The following ADGRL3 variants were observed in gnomAD, a reference collection of about 807,000 sequenced individuals.
The protein encoded by ADGRL3 is calcium-independent alpha-latrotoxin receptor 3.
In ADGRL3, 62 loss-of-function variants were observed where a neutral mutation model predicts 153.5. The observed-to-expected ratio is 0.40, with a 90% CI of 0.33 to 0.50. ADGRL3 has a LOEUF of 0.50. ADGRL3 is among the 20% of genes least tolerant of loss of function. The pLI is 0.47. For missense variants in ADGRL3, 1,641 were observed against 1,859.4 expected (o/e 0.88, Z 2.16); for synonymous variants, 710 against 672.5 (o/e 1.06, Z -0.86).
intron 5 of ADGRL3, among the ~76,000 whole-genome samples, chr4:61,600,586 A>G (rs1288205683): frequency 1.3e-5 from 2 of 152,172 alleles, no homozygotes; most frequent in Non-Finnish European, 2.9e-5. Context: ...CTTGCTTTGA[A>G]GGCTTATTAT....
In ADGRL3 at chr4:61,396,414, T is replaced by A. The variant is rs1002742794; in HGVS notation, c.-174+13225T>A. On this transcript the variant is annotated intron_variant, in intron 2 of 26. Transcript: ENST00000683033. The stretch of plus-strand genomic sequence containing the variant: ...CATAAATCAGACCAAATTGAGTATT[T>A]AAAAAAAAAACTTTTATAGGAATAT... 1.2e-3 allele frequency among the ~76,000 whole-genome samples: 175 copies of A among 149,362 alleles called. 1 individual carries two copies. Among genetic ancestry groups the A allele is most frequent in the African/African-American group, 4.1e-3 (167 of 40,934 alleles).
intron 4 of ADGRL3, among the ~76,000 whole-genome samples, chr4:61,585,261 T>G (rs1405492395): frequency 1.3e-5 from 2 of 152,030 alleles, no homozygotes; most frequent in East Asian, 1.9e-4. Context: ...GTTAACCTGC[T>G]AAGAAGTTTT....
intron 1 of ADGRL3, chr4:61,211,857 G>A (rs934029987): frequency 1.3e-5 from 2 of 152,206 alleles, no homozygotes; most frequent in African/African-American, 4.8e-5. Context: ...CAGTGGTAGA[G>A]CCACTGTACA....
intron 9 of ADGRL3, among the ~76,000 whole-genome samples, chr4:61,884,050 CATA>C (rs562913422): frequency 1.2e-3 from 189 of 152,226 alleles, no homozygotes; most frequent in Non-Finnish European, 2.1e-3. Flanking sequence ...GAGCAAGGAA[CATA>C]ATAATTATTA....
chr4:61,862,798 C>A (rs1222511793), intron 9 of ADGRL3, among the ~76,000 whole-genome samples: 2 of 152,092 alleles, frequency 1.3e-5, no homozygotes, highest in African/African-American at 4.8e-5. Flanking sequence ...CCCAGTGATT[C>A]TGATGCTTGC....
intron 6 of ADGRL3, among the ~76,000 whole-genome samples, chr4:61,683,226 C>T (rs1351396401): frequency 1.3e-5 from 2 of 151,868 alleles, no homozygotes; most frequent in Admixed American, 6.6e-5. Context: ...AATCCTCCAA[C>T]CTCAGCCTCC....
rs529310095 is a variant in ADGRL3, at chr4:61,861,668, A to G, written c.1481-30988A>G. Among the ~76,000 whole-genome samples, 143 of 152,128 alleles carry G rather than the reference A, an allele frequency of 9.4e-4. No homozygotes were observed. The South Asian group carries it at 0.012, about 13-fold the overall frequency. ...TCATGAGCAGAATAAAATGATAGTT[A>G]TTGATAGTTTATGTTACCAAATTCA... On this transcript the variant is annotated intron_variant, in intron 9 of 26. Transcript: ENST00000683033.
intron 9 of ADGRL3, among the ~76,000 whole-genome samples, chr4:61,844,546 C>CAAAAAAAAAAAAAAA (rs71604517): frequency 1.1e-4 from 2 of 17,548 alleles, no homozygotes; most frequent in Non-Finnish European, 1.7e-4. Context: ...GACTGCATCT[C>CAAAAAAAAAAAAAAA]AAAAAAAAAA....
intron 8 of ADGRL3, among the ~76,000 whole-genome samples, chr4:61,794,519 G>A (rs1046237517): frequency 5.3e-5 from 8 of 152,052 alleles, no homozygotes; most frequent in Admixed American, 2.0e-4. Context: ...AATAATGAGT[G>A]ATATTTTTCT....
At chr4:61,805,470 T>G (rs2097543901) in intron 8 of ADGRL3, among the ~76,000 whole-genome samples, 1 of 152,268 alleles carries the variant, frequency 6.6e-6, no homozygotes, top group African/African-American at 2.4e-5. Flanking sequence ...TGGTTTATAG[T>G]TTTACTCTTG....
At chr4:61,655,240 T>C (rs961138803) in intron 5 of ADGRL3, among the ~76,000 whole-genome samples, 1 of 152,160 alleles carries the variant, frequency 6.6e-6, no homozygotes, top group Non-Finnish European at 1.5e-5. Flanking sequence ...AAGTAACTTG[T>C]AAGCTATAAT....
At position 61,312,318 on chromosome 4, in the gene ADGRL3, A is replaced by AT. The variant is rs79495261; in HGVS notation, c.-239-70805dup. ...AAATGTAAAGTGAAAAACTATACAT[A>AT]TCCTAGAAAATAACATATGAGAAAA... On this transcript the variant is annotated intron_variant, in intron 1 of 26. Transcript: ENST00000683033. Among the ~76,000 whole-genome samples, 23 of 152,356 alleles carry AT rather than the reference A, an allele frequency of 1.5e-4. No individual in the cohort carries two copies. The East Asian group carries it at 4.4e-3, about 29-fold the overall frequency.
At chr4:61,301,453 C>A (rs2094578368) in intron 1 of ADGRL3, among the ~76,000 whole-genome samples, 1 of 152,172 alleles carries the variant, frequency 6.6e-6, no homozygotes, top group Non-Finnish European at 1.5e-5. Flanking sequence ...TTTTGCCAAA[C>A]AGATTTTAAG....
chr4:61,578,713 A>G (rs1012133613), intron 4 of ADGRL3, among the ~76,000 whole-genome samples: 3 of 152,016 alleles, frequency 2.0e-5, no homozygotes, highest in Non-Finnish European at 4.4e-5. Context: ...ATCCATACAT[A>G]TTGTTTCATC....
At chr4:61,291,140 T>C (rs945685813) in intron 1 of ADGRL3, among the ~76,000 whole-genome samples, 2 of 150,480 alleles carry the variant, frequency 1.3e-5, no homozygotes, top group African/African-American at 4.9e-5. Flanking sequence ...ATATGTATTT[T>C]GAATTTTAAA....
intron 1 of ADGRL3, among the ~76,000 whole-genome samples, chr4:61,356,065 A>G (rs1434554856): frequency 6.6e-6 from 1 of 152,050 alleles, no homozygotes; most frequent in Non-Finnish European, 1.5e-5. Flanking sequence ...GTATTTACGA[A>G]TGGTGAAGAT....
intron 8 of ADGRL3, among the ~76,000 whole-genome samples, chr4:61,763,575 A>G (rs1225118027): frequency 2.6e-5 from 4 of 152,142 alleles, no homozygotes; most frequent in African/African-American, 9.7e-5. Context: ...GGTATATGCT[A>G]TTTCCTCACG....
chr4:61,570,418 A>G lies in ADGRL3; in HGVS notation c.260-16809A>G, dbSNP rs76380547. 6.2e-3 allele frequency among the ~76,000 whole-genome samples: 941 copies of G among 152,152 alleles called. 15 individuals carry two copies. The highest frequency in any genetic ancestry group is 0.022 in the African/African-American group (893 of 41,516). ...TATTCCATCTATCTGGGTGATTACA[A>G]TTATCATCTTGTTATTCCTTCTACC... On this transcript the variant is annotated intron_variant, in intron 4 of 26. Coordinates refer to ENST00000683033, the MANE Select transcript of ADGRL3 (RefSeq NM_001387552.1).
intron 1 of ADGRL3, among the ~76,000 whole-genome samples, chr4:61,213,605 T>C (rs781318339): frequency 6.6e-6 from 1 of 152,180 alleles, no homozygotes; most frequent in Non-Finnish European, 1.5e-5. Flanking sequence ...AATTTTTGCT[T>C]TGATTATCTG....
Sources: allele counts gnomAD v4.1 joint callset (sites outside exome capture counted in the v4.1 genomes callset), GRCh38; gene constraint gnomAD v4.1.1; transcripts MANE v1.5; gene names NCBI Gene and HGNC (gene_info 2026-07-23, HGNC 2026-07-21).